Variants in CCDC102B observed in about 807,000 individuals in gnomAD.
CCDC102B encodes coiled-coil domain containing 102B, also known as coiled-coil domain-containing protein 102B.
A neutral mutation model predicts 57.4 loss-of-function variants in CCDC102B; 75 were observed. The observed-to-expected ratio is 1.31, with a 90% confidence interval of 1.08 to 1.58. The LOEUF (loss-of-function observed/expected upper bound fraction) is 1.58, where lower values mean the gene tolerates loss of function less well. Among genes scored for constraint, CCDC102B ranks in the 40% most tolerant of loss-of-function variants. CCDC102B has a pLI of 0.00. For synonymous variants in CCDC102B, 206 were observed against 201.9 expected (o/e 1.02, Z -0.17); for missense variants, 636 against 582.6 (o/e 1.09, Z -0.94).
At chr18:68,889,523 G>A (rs916990416) in intron 5 of CCDC102B, among the ~76,000 whole-genome samples, 3 of 152,118 alleles carry the variant, frequency 2.0e-5, no homozygotes, top group African/African-American at 4.8e-5. Context: ...GGGTTCAAGC[G>A]ATTCTCCTGC....
At chr18:68,999,789 T>A (rs4622612) in intron 6 of CCDC102B, among the ~76,000 whole-genome samples, 130,620 of 152,170 alleles carry the variant, frequency 0.86, 57,987 homozygotes, top group Non-Finnish European at 0.97. Context: ...TATTCCCAGT[T>A]GTCTGCATCT....
intron 2 of CCDC102B, among the ~76,000 whole-genome samples, chr18:68,764,784 A>C (rs564281855): frequency 9.2e-5 from 14 of 152,146 alleles, no homozygotes; most frequent in African/African-American, 3.4e-4. Context: ...TGACATAATA[A>C]GAAAATAATG....
At chr18:68,748,530 C>A (rs906410903) in intron 2 of CCDC102B, among the ~76,000 whole-genome samples, 4 of 152,066 alleles carry the variant, frequency 2.6e-5, no homozygotes, top group Non-Finnish European at 5.9e-5. Flanking sequence ...ATTTTCAATT[C>A]TTTCATCAGC....
chr18:68,873,160 A>G (rs1343710161), intron 4 of CCDC102B, among the ~76,000 whole-genome samples: 3 of 152,122 alleles, frequency 2.0e-5, no homozygotes, highest in African/African-American at 4.8e-5. Flanking sequence ...CACATTGTCT[A>G]TTTAACTTCC....
Position 69,054,957 on chromosome 18 carries a change from T to C in CCDC102B, c.*820T>C, listed in dbSNP as rs2052791460. On this transcript the variant is annotated 3_prime_UTR_variant, in exon 8 of 8. Coordinates refer to ENST00000360242, the MANE Select transcript of CCDC102B (RefSeq NM_024781.3). Reference sequence around the variant, plus strand: ...TGTGAATATTTCTTTAAAACTTTTATGTACATTATAGTTTATTGCTTCATA... The same window carrying C: ...TGTGAATATTTCTTTAAAACTTTTACGTACATTATAGTTTATTGCTTCATA... 2 of 983,646 alleles carry C rather than the reference T, an allele frequency of 2.0e-6. No homozygotes were observed. Among genetic ancestry groups the C allele is most frequent in the Admixed American group, 1.2e-4 (2 of 16,238 alleles). The allele number at this position is 983,646 out of a possible 1,614,324, so 60.9% of individuals were successfully genotyped here. A position where few individuals can be genotyped will look rare whatever the true frequency, so the allele number is the denominator to read the frequency against.
intron 1 of CCDC102B, among the ~76,000 whole-genome samples, chr18:68,804,140 C>T (rs2035950334): frequency 6.6e-6 from 1 of 152,040 alleles, no homozygotes. Flanking sequence ...TATTTTCCTG[C>T]CAGAACTGAT....
intron 7 of CCDC102B, among the ~76,000 whole-genome samples, chr18:69,021,831 C>T (rs562871964): frequency 6.6e-6 from 1 of 152,294 alleles, no homozygotes; most frequent in South Asian, 2.1e-4. Context: ...AACACATGTC[C>T]AGCAACCCAG....
chr18:68,948,567 A>C (rs1179020388), intron 6 of CCDC102B, among the ~76,000 whole-genome samples: 2 of 152,090 alleles, frequency 1.3e-5, no homozygotes, highest in African/African-American at 4.8e-5. Flanking sequence ...AAAGCCTCAA[A>C]TGGGTCCACA....
chr18:68,795,109 G>C (rs570657833), upstream of CCDC102B, among the ~76,000 whole-genome samples: 2 of 151,994 alleles, frequency 1.3e-5, no homozygotes, highest in East Asian at 3.9e-4. Context: ...AGAGGTTTCA[G>C]GTTTTAATGT....
chr18:68,905,783 G>A (rs2040609644), intron 6 of CCDC102B, among the ~76,000 whole-genome samples: 1 of 117,814 alleles, frequency 8.5e-6, no homozygotes, highest in East Asian at 2.9e-4. Context: ...TTTATGTCTG[G>A]CTTTTTTTTT....
chr18:68,755,696 A>G (rs1380722894), intron 2 of CCDC102B, among the ~76,000 whole-genome samples: 1 of 152,000 alleles, frequency 6.6e-6, no homozygotes, highest in Non-Finnish European at 1.5e-5. Context: ...TAACATATTT[A>G]AGACAAAAAT....
intron 1 of CCDC102B, among the ~76,000 whole-genome samples, chr18:68,810,671 C>CTTTGTTTGTTTTTTTT (rs1568263108): frequency 2.9e-5 from 2 of 70,060 alleles, no homozygotes; most frequent in African/African-American, 4.6e-5. Flanking sequence ...ATTTTCTTTT[C>CTTTGTTTGTTTTTTTT]TTTTCTTTGT....
At chr18:69,056,680 G>GATAGATAGAT (rs1180098602), downstream of CCDC102B, among the ~76,000 whole-genome samples, 27 of 151,564 alleles carry the variant, frequency 1.8e-4, no homozygotes, top group Non-Finnish European at 3.7e-4. Context: ...TAGATAGATA[G>GATAGATAGAT]ATAGGATAGA....
chr18:68,911,771 A>AAAAAAAAAAAAAAAAAAAAAT, intron 6 of CCDC102B, among the ~76,000 whole-genome samples: 2 of 143,278 alleles, frequency 1.4e-5, no homozygotes, highest in Non-Finnish European at 3.1e-5. Context: ...AAAAAAAAAA[A>AAAAAAAAAAAAAAAAAAAAAT]AAAAGATCAG....
chr18:68,738,934 A>C (rs1386419066), intron 2 of CCDC102B, among the ~76,000 whole-genome samples: 1 of 151,240 alleles, frequency 6.6e-6, no homozygotes, highest in Non-Finnish European at 1.5e-5. Flanking sequence ...GTTTTCACAC[A>C]AAGTGGATGG....
intron 4 of CCDC102B, among the ~76,000 whole-genome samples, chr18:68,848,026 T>G (rs2037953155): frequency 6.6e-6 from 1 of 151,764 alleles, no homozygotes; most frequent in Non-Finnish European, 1.5e-5. Context: ...TAAAATAAGG[T>G]GAAATTTTTA....
At chr18:69,038,165 A>G (rs1393356335) in intron 7 of CCDC102B, among the ~76,000 whole-genome samples, 1 of 151,900 alleles carries the variant, frequency 6.6e-6, no homozygotes, top group Non-Finnish European at 1.5e-5. Context: ...TATACATAGT[A>G]TTGTGAGGAT....
At chr18:68,941,265 A>T (rs2049373936) in intron 6 of CCDC102B, among the ~76,000 whole-genome samples, 1 of 25,594 alleles carries the variant, frequency 3.9e-5, no homozygotes, top group Non-Finnish European at 1.5e-4. Flanking sequence ...GCACAAAAAT[A>T]AAAAAAAAAC....
chr18:68,749,378 T>A (rs577936617), intron 2 of CCDC102B, among the ~76,000 whole-genome samples: 9 of 152,230 alleles, frequency 5.9e-5, no homozygotes, highest in Admixed American at 5.9e-4. Flanking sequence ...GTATGGCCAT[T>A]TTCACGATAT....
Sources: gnomAD v4.1 joint callset for allele counts (sites outside exome capture counted in the v4.1 genomes callset) on GRCh38, gnomAD v4.1.1 for gene constraint, MANE v1.5 for transcripts, NCBI Gene and HGNC (gene_info 2026-07-23, HGNC 2026-07-21) for gene names.